AGMO: variants seen among roughly 807,000 people sequenced by gnomAD.
AGMO encodes alkylglycerol monooxygenase, also known as glyceryl-ether monooxygenase.
AGMO carries 75 observed loss-of-function variants against 60.2 expected under a neutral mutation model. The ratio of observed to expected loss-of-function variants is 1.25; its 90% CI spans 1.03 to 1.51. AGMO has a LOEUF of 1.51. AGMO is among the 40% of genes most tolerant of loss of function. The pLI is 0.00. For missense variants in AGMO, 763 were observed against 525.5 expected (o/e 1.45, Z -4.42); for synonymous variants, 261 against 177.1 (o/e 1.47, Z -3.76).
At chr7:15,466,904 G>C (rs55905169) in intron 3 of AGMO, among the ~76,000 whole-genome samples, 30,505 of 151,930 alleles carry the variant, frequency 0.2, 4,192 homozygotes, top group East Asian at 0.61. Context: ...TGTAGGTAAG[G>C]TTACCAGGGA....
intron 12 of AGMO, among the ~76,000 whole-genome samples, chr7:15,330,744 T>C (rs1328106687): frequency 6.6e-6 from 1 of 152,170 alleles, no homozygotes; most frequent in Non-Finnish European, 1.5e-5. Context: ...CATTCCTGTA[T>C]GCAGGTCTGG....
chr7:15,527,371 C>A (rs998505821), intron 3 of AGMO, among the ~76,000 whole-genome samples: 1 of 152,194 alleles, frequency 6.6e-6, no homozygotes, highest in African/African-American at 2.4e-5. Flanking sequence ...GAAGATCAAA[C>A]TAGCCACAAT....
At chr7:15,126,794 C>T in the AGMO span, among the ~76,000 whole-genome samples, 2 of 152,206 alleles carry the variant, frequency 1.3e-5, no homozygotes, top group African/African-American at 4.8e-5. Context: ...ATCCTCTTTC[C>T]CCTTGTTTTC....
intron 12 of AGMO, among the ~76,000 whole-genome samples, chr7:15,223,885 C>G (rs1448357431): frequency 6.6e-6 from 1 of 151,520 alleles, no homozygotes; most frequent in Non-Finnish European, 1.5e-5. Flanking sequence ...ATGTCAATGT[C>G]ACAAATGTTT....
chr7:15,189,017 G>A, the AGMO span, among the ~76,000 whole-genome samples: 1 of 152,158 alleles, frequency 6.6e-6, no homozygotes, highest in Non-Finnish European at 1.5e-5. Context: ...ATGGCTAGCT[G>A]GAAGTAGAAG....
At chr7:15,331,612 A>T (rs1329851455) in intron 12 of AGMO, among the ~76,000 whole-genome samples, 1 of 152,034 alleles carries the variant, frequency 6.6e-6, no homozygotes, top group Non-Finnish European at 1.5e-5. Context: ...GATAGATTAT[A>T]TTTCCCAGGC....
In AGMO at chr7:15,216,097, CTCT is replaced by C. The variant is rs374741914; in HGVS notation, c.1264-14741_1264-14739del. ...CTCAAAGGCTCACACATACACAAAG[CTCT>C]TCTTCTGGAAAAAATGTTCCTGGGT... On this transcript the variant is annotated intron_variant, in intron 12 of 12. Coordinates refer to ENST00000342526, the MANE Select transcript of AGMO (RefSeq NM_001004320.2). 1.2e-3 allele frequency among the ~76,000 whole-genome samples: 178 copies of C among 152,196 alleles called. 1 individual carries two copies. Among genetic ancestry groups the C allele is most frequent in the African/African-American group, 4.1e-3 (169 of 41,554 alleles).
At chr7:15,227,967 C>T (rs1446937658) in intron 12 of AGMO, among the ~76,000 whole-genome samples, 1 of 152,116 alleles carries the variant, frequency 6.6e-6, no homozygotes, top group South Asian at 2.1e-4. Flanking sequence ...TCCCCTTTTA[C>T]ACAGTAAGAA....
At chr7:15,352,174 C>A (rs997797610) in intron 12 of AGMO, among the ~76,000 whole-genome samples, 2 of 152,066 alleles carry the variant, frequency 1.3e-5, no homozygotes, top group South Asian at 4.1e-4. Context: ...ATCGAAAGAT[C>A]ACCCCGCCAT....
intron 8 of AGMO, among the ~76,000 whole-genome samples, chr7:15,388,053 G>A (rs530425442): frequency 6.6e-6 from 1 of 152,138 alleles, no homozygotes; most frequent in Middle Eastern, 3.4e-3. Context: ...GATTACAGGT[G>A]CCTGCCACCA....
chr7:15,466,218 C>T (rs1279410342), intron 3 of AGMO, among the ~76,000 whole-genome samples: 1 of 152,106 alleles, frequency 6.6e-6, no homozygotes, highest in Admixed American at 6.6e-5. Flanking sequence ...ACAGCTCTAT[C>T]TTTATTCTGA....
At chr7:15,358,087 C>T (rs1027096438) in intron 12 of AGMO, 4 of 168,614 alleles carry the variant, frequency 2.4e-5, no homozygotes, top group Non-Finnish European at 2.6e-5. Flanking sequence ...CTGGGTAAAA[C>T]GAGACATCTG....
chr7:15,217,821 G>A (rs62448948), intron 12 of AGMO, among the ~76,000 whole-genome samples: 35,138 of 151,718 alleles, frequency 0.23, 4,718 homozygotes, highest in African/African-American at 0.36. Context: ...AATTACTAAA[G>A]ACCAAATACT....
rs560030506 is a variant in AGMO at position 15,393,997 on chromosome 7, A to C, written c.676+116T>G. On this transcript the variant is annotated intron_variant, in intron 6 of 12. Coordinates refer to ENST00000342526, the MANE Select transcript of AGMO (RefSeq NM_001004320.2). ...GATAGAAAAGAAGAAACTATTATTT[A>C]TTTGTAAAATGTGTGCTGACTATAT... 3.6e-4 allele frequency: 187 copies of C among 523,172 alleles called. No individual in the cohort carries two copies. In the African/African-American group the frequency reaches 4.1e-3, roughly 11 times the overall value. 32.4% of individuals were successfully genotyped at this position (523,172 alleles called of 1,614,324 possible).
intron 3 of AGMO, among the ~76,000 whole-genome samples, chr7:15,476,446 A>G (rs939648887): frequency 6.6e-6 from 1 of 152,092 alleles, no homozygotes; most frequent in Non-Finnish European, 1.5e-5. Flanking sequence ...AGAAGCTCTA[A>G]GTAGGGCAGA....
At chr7:15,138,684 AC>A in the AGMO span, among the ~76,000 whole-genome samples, 1 of 152,196 alleles carries the variant, frequency 6.6e-6, no homozygotes, top group Non-Finnish European at 1.5e-5. Flanking sequence ...TTCAATACTT[AC>A]CCGTTCACAA....
chr7:15,129,496 T>C, the AGMO span, among the ~76,000 whole-genome samples: 4 of 152,152 alleles, frequency 2.6e-5, no homozygotes, highest in Admixed American at 2.6e-4. Context: ...CTGACCAATT[T>C]AGTATTTCCC....
At chr7:15,536,393 C>T (rs76905828) in intron 3 of AGMO, among the ~76,000 whole-genome samples, 2,186 of 151,916 alleles carry the variant, frequency 0.014, 57 homozygotes, top group African/African-American at 0.049. Context: ...GTACTTTTAC[C>T]AGCATCATCA....
At chr7:15,236,892 T>G (rs1782439953) in intron 12 of AGMO, among the ~76,000 whole-genome samples, 1 of 151,788 alleles carries the variant, frequency 6.6e-6, no homozygotes, top group Non-Finnish European at 1.5e-5. Context: ...CCTGATCAAC[T>G]AAGAAACGGC....
Sources: allele counts gnomAD v4.1 joint callset (sites outside exome capture counted in the v4.1 genomes callset), GRCh38; gene constraint gnomAD v4.1.1; transcripts MANE v1.5; gene names NCBI Gene and HGNC (gene_info 2026-07-23, HGNC 2026-07-21).